Variants in CENPF observed in about 807,000 individuals in gnomAD.
The protein encoded by CENPF is centromere protein F.
In CENPF, 214 loss-of-function variants were observed where a neutral mutation model predicts 307.3. That is an observed-to-expected ratio of 0.70 (90% confidence interval 0.62 to 0.78). The LOEUF is 0.78. Ranked by LOEUF, CENPF falls within the 30% of genes least tolerant of loss-of-function variation. CENPF has a pLI of 0.00. For synonymous variants in CENPF, 1,259 were observed against 1,270.6 expected, an observed-to-expected ratio of 0.99 and a Z score of 0.19; for missense variants, 3,401 against 3,483.9, an observed-to-expected ratio of 0.98 and a Z score of 0.60.
intron 13 of CENPF, chr1:214,647,863 T>A: frequency 2.7e-6 from 1 of 366,502 alleles, no homozygotes; most frequent in Non-Finnish European, 5.6e-6. Context: ...TACTGATAGA[T>A]TTGTAACCAA....
rs753272205 is a variant in CENPF, at chr1:214,648,511, T to G, written c.7831-164T>G. On this transcript the variant is annotated intron_variant, in intron 13 of 19. Coordinates refer to ENST00000366955, the MANE Select transcript of CENPF (RefSeq NM_016343.4). ...AAGAAAAGGTAAGCTTACTAGTAGG[T>G]TTTGAGAATGTTGAGTTGAGTGGAT... 6 of 790,444 alleles carry G rather than the reference T, an allele frequency of 7.6e-6. No homozygotes were observed. In the South Asian group the frequency reaches 8.1e-5, roughly 11 times the overall value. The allele number at this position is 790,444 out of a possible 1,614,324, so 49.0% of individuals were successfully genotyped here. A position where few individuals can be genotyped will look rare whatever the true frequency, so the allele number is the denominator to read the frequency against.
At position 214,642,075 on chromosome 1, in the gene CENPF, A is replaced by T. The variant is rs1658135332; in HGVS notation, c.3737A>T (p.Glu1246Val). Reference sequence around the variant, plus strand: ...TTACAGACAATTAGAGGAGATCTTGAAACCAGCAATTTGCAAGACATGCAG... The same window carrying T: ...TTACAGACAATTAGAGGAGATCTTGTAACCAGCAATTTGCAAGACATGCAG... ...HELQTIRGDL[E>V]TSNLQDMQSQ... Residue 1246 changes from glutamate (E) to valine (V), a missense_variant, in exon 12 of 20, where the codon GAA becomes GTA. Glu to Val is a moderately radical substitution (Grantham distance 121). Transcript: ENST00000366955. 1 of 1,610,838 alleles carries T rather than the reference A, an allele frequency of 6.2e-7. No homozygotes were observed. The highest frequency in any genetic ancestry group is 8.5e-7 in the Non-Finnish European group (1 of 1,179,142).
intron 3 of CENPF, 118 bp from the exon 4 acceptor site, chr1:214,618,455 G>T: frequency 8.1e-7 from 1 of 1,236,338 alleles, no homozygotes; most frequent in Non-Finnish European, 1.1e-6. Context: ...AAATGGTTAA[G>T]AATTCTTAGT....
chr1:214,612,029 T>C lies in CENPF; in HGVS notation c.-41-1685T>C, dbSNP rs146304210. Among the ~76,000 whole-genome samples the C allele has an allele frequency of 4.6e-5, 7 of 152,192 alleles. No homozygotes were observed. The East Asian group carries it at 1.4e-3, about 29-fold the overall frequency. ...CTTCCAATAGTATGTTGAATAGGAG[T>C]AGTGGAAGAGGGCCTCCTTGCCAGT... is the stretch of plus-strand genomic sequence containing the variant. On this transcript the variant is annotated intron_variant, in intron 1 of 19. Transcript: ENST00000366955.
chr1:214,664,361 A>G lies in CENPF; in HGVS notation c.*567A>G, dbSNP rs1413006213. Reference sequence around the variant, plus strand: ...CTGTTTTAGACATCTTTGCTTATGAAACCTGTACATATGTGTGTGTGGGTA... The same window carrying G: ...CTGTTTTAGACATCTTTGCTTATGAGACCTGTACATATGTGTGTGTGGGTA... On this transcript the variant is annotated 3_prime_UTR_variant, in exon 20 of 20. Transcript: ENST00000366955. 2 of 153,144 alleles carry G rather than the reference A, an allele frequency of 1.3e-5. No homozygotes were observed. The highest frequency in any genetic ancestry group is 2.9e-5 in the Non-Finnish European group (2 of 68,810). 9.5% of individuals were successfully genotyped at this position (153,144 alleles called of 1,614,324 possible).
chr1:214,630,038 A>G (rs1657761979), intron 8 of CENPF, among the ~76,000 whole-genome samples: 1 of 152,230 alleles, frequency 6.6e-6, no homozygotes, highest in South Asian at 2.1e-4. Flanking sequence ...TAGATTTTAA[A>G]TAAGAATGCC....
chr1:214,640,412 G>T lies in CENPF; in HGVS notation c.2074G>T (p.Glu692Ter), dbSNP rs1188560118. The change falls in exon 12 of 20, where the codon GAG (glutamate) becomes TAG (stop). Residue 692 changes from glutamate to a stop codon, truncating the protein, a stop_gained. Coordinates refer to ENST00000366955, the MANE Select transcript of CENPF (RefSeq NM_016343.4). LOFTEE classifies it high-confidence loss of function. ...LHNVLDSKSV[E>*]VETQKLAYME... is the part of the protein sequence containing the mutation. ...CAACGTGTTAGACAGTAAGTCAGTG[G>T]AGGTAGAGACCCAGAAACTAGCTTA... is the stretch of plus-strand genomic sequence containing the variant. 1.2e-6 allele frequency: 2 copies of T among 1,614,054 alleles called. No individual in the cohort carries two copies. The highest frequency in any genetic ancestry group is 1.7e-6 in the Non-Finnish European group (2 of 1,180,006).
intron 6 of CENPF, 109 bp downstream of exon 6, chr1:214,621,055 T>C: frequency 1.0e-6 from 1 of 1,003,124 alleles, no homozygotes; most frequent in South Asian, 1.6e-5. Flanking sequence ...GTTAGGCACA[T>C]CGGTGTTCAA....
At chr1:214,625,484 G>T (rs891666725) in intron 7 of CENPF, among the ~76,000 whole-genome samples, 9 of 152,162 alleles carry the variant, frequency 5.9e-5, no homozygotes, top group Non-Finnish European at 1.3e-4. Flanking sequence ...GCCTTCCAAA[G>T]TGTTGGGATT....
rs755445069 is a variant in CENPF at position 214,646,440 on chromosome 1, C to A, written c.6870C>A (p.Asp2290Glu). The change falls in exon 13 of 20, where the codon GAC (aspartate) becomes GAA (glutamate). Residue 2290 changes from aspartate (D) to glutamate (E), a missense_variant. Asp to Glu is a conservative substitution (Grantham distance 45, BLOSUM62 2). Coordinates refer to ENST00000366955, the MANE Select transcript of CENPF (RefSeq NM_016343.4). Reference sequence around the variant, plus strand: ...TGAAGGCCACAGAACAGAGTCTAGACCCACCAATAGAGGAAGAGCATCAGC... The same window carrying A: ...TGAAGGCCACAGAACAGAGTCTAGAACCACCAATAGAGGAAGAGCATCAGC... The part of the protein sequence containing the change: ...EIMKATEQSL[D>E]PPIEEEHQLR... 2 of 1,614,054 alleles carry A rather than the reference C, an allele frequency of 1.2e-6. No homozygotes were observed. The highest frequency in any genetic ancestry group is 1.7e-6 in the Non-Finnish European group (2 of 1,180,002).
chr1:214,639,271 C>T lies in CENPF; in HGVS notation c.1583-650C>T, dbSNP rs375818277. 3.9e-5 allele frequency among the ~76,000 whole-genome samples: 6 copies of T among 152,248 alleles called. No homozygotes were observed. The South Asian group carries it at 8.3e-4, about 21-fold the overall frequency. On this transcript the variant is annotated intron_variant, in intron 11 of 19. Coordinates refer to ENST00000366955, the MANE Select transcript of CENPF (RefSeq NM_016343.4). ...TCATTAGGCAGAAGACAGGGGGTAA[C>T]GGAGTTTGAAGAAGCTTCCAAATGA...
intron 12 of CENPF, 32 bp downstream of exon 12, chr1:214,643,356 G>T: frequency 2.8e-6 from 4 of 1,447,526 alleles, no homozygotes; most frequent in Non-Finnish European, 3.6e-6. Flanking sequence ...GCCATTTCTC[G>T]GTTTACATGA....
At chr1:214,657,489 A>T in intron 18 of CENPF, 80 bp downstream of exon 18, 1 of 1,104,658 alleles carries the variant, frequency 9.1e-7, no homozygotes, top group Non-Finnish European at 1.3e-6. Context: ...AGACAAAAGT[A>T]TTTGCTTTTT....
At chr1:214,608,256 C>T (rs1199424966) in intron 1 of CENPF, 12 of 1,510,580 alleles carry the variant, frequency 7.9e-6, no homozygotes, top group Non-Finnish European at 1.1e-5. Context: ...CCCCCGGCCC[C>T]CGGCCTGGTC....
At chr1:214,636,173 C>T (rs930771126) in intron 10 of CENPF, among the ~76,000 whole-genome samples, 10 of 152,198 alleles carry the variant, frequency 6.6e-5, no homozygotes, top group African/African-American at 1.7e-4. Context: ...GCTACATTGC[C>T]CCTGTCAAAG....
At position 214,657,207 on chromosome 1, in the gene CENPF, G is replaced by C; in HGVS notation, c.8760G>C (p.Arg2920Ser). Residue 2920 changes from arginine to serine, a missense_variant, in exon 18 of 20, where the codon AGG becomes AGC. Physicochemically the swap from Arg to Ser is moderately radical, Grantham distance 110. Coordinates refer to ENST00000366955, the MANE Select transcript of CENPF (RefSeq NM_016343.4). ...CAATCCCTTCTGTTACTGAAAAGAGGTTATCATCTGGCCAAAATAAAGCTT... is the reference window on the plus strand; with the variant it reads ...CAATCCCTTCTGTTACTGAAAAGAGCTTATCATCTGGCCAAAATAAAGCTT... ...PSPIPSVTEKRLSSGQNKASG... is the reference protein window; with the variant it reads ...PSPIPSVTEKSLSSGQNKASG... 1 of 1,614,138 alleles carries C rather than the reference G, an allele frequency of 6.2e-7. No homozygotes were observed. The highest frequency in any genetic ancestry group is 8.5e-7 in the Non-Finnish European group (1 of 1,180,022).
At chr1:214,651,909 T>C in intron 15 of CENPF, 23 bp downstream of exon 15, 3 of 1,571,370 alleles carry the variant, frequency 1.9e-6, no homozygotes, top group Non-Finnish European at 2.6e-6. Context: ...GTTTGGTTAC[T>C]GGGGGAGCTG....
chr1:214,603,953 A>G (rs983067927), intron 1 of CENPF, among the ~76,000 whole-genome samples: 2 of 152,000 alleles, frequency 1.3e-5, no homozygotes, highest in East Asian at 3.9e-4. Context: ...ATGAGCCACT[A>G]CGCCCGGTCC....
intron 1 of CENPF, chr1:214,605,403 A>G (rs1427612614): frequency 4.6e-6 from 2 of 434,382 alleles, no homozygotes; most frequent in African/African-American, 2.0e-5. Flanking sequence ...GCCCAAGGTC[A>G]TACATCCGTA....
Sources: gnomAD v4.1 joint callset for allele counts (sites outside exome capture counted in the v4.1 genomes callset) on GRCh38, gnomAD v4.1.1 for gene constraint, MANE v1.5 for transcripts, NCBI Gene and HGNC (gene_info 2026-07-23, HGNC 2026-07-21) for gene names.